Variants in MAGI2 observed in about 807,000 individuals in gnomAD.
The protein encoded by MAGI2 is membrane associated guanylate kinase, WW and PDZ domain containing 2, also known as membrane-associated guanylate kinase, WW and PDZ domain-containing protein 2.
Under a neutral mutation model 133.3 loss-of-function variants are expected in MAGI2, and 35 were observed. The observed-to-expected ratio is 0.26, with a 90% CI of 0.20 to 0.35. The LOEUF (loss-of-function observed/expected upper bound fraction) is 0.35. MAGI2 is among the 10% of genes least tolerant of loss of function. The pLI is 1.00. For missense variants in MAGI2, 1,636 were observed against 1,863.4 expected, an observed-to-expected ratio of 0.88 and a Z score of 2.25; for synonymous variants, 729 against 710.6, an observed-to-expected ratio of 1.03 and a Z score of -0.41.
intron 9 of MAGI2, among the ~76,000 whole-genome samples, chr7:78,289,342 G>T (rs1335119369): frequency 1.3e-5 from 2 of 152,156 alleles, no homozygotes; most frequent in Non-Finnish European, 2.9e-5. Flanking sequence ...CAGTCAAGTG[G>T]AAGAAAGGTA....
chr7:78,139,121 A>G (rs565403448), intron 16 of MAGI2, among the ~76,000 whole-genome samples: 1 of 152,352 alleles, frequency 6.6e-6, no homozygotes, highest in Admixed American at 6.5e-5. Flanking sequence ...GAAAACTGAA[A>G]TAAATTCAGT....
chr7:79,146,673 T>C (rs2191807), intron 1 of MAGI2, among the ~76,000 whole-genome samples: 96,727 of 152,146 alleles, frequency 0.64, 35,337 homozygotes, highest in Non-Finnish European at 0.83. Context: ...CTTGCCATCA[T>C]GTAAGACGTG....
chr7:79,135,993 AAGAAAGAAAG>A (rs137916423), intron 1 of MAGI2, among the ~76,000 whole-genome samples: 8,552 of 49,444 alleles, frequency 0.17, 1,765 homozygotes, highest in Non-Finnish European at 0.31. Flanking sequence ...GAAAGAAAGA[AAGAAAGAAAG>A]AGAAAGAAAG....
chr7:78,952,375 T>C (rs1801941153), intron 2 of MAGI2, among the ~76,000 whole-genome samples: 1 of 152,150 alleles, frequency 6.6e-6, no homozygotes, highest in Non-Finnish European at 1.5e-5. Context: ...TGCTTTTTCT[T>C]TTCTGTCTCT....
chr7:78,672,675 A>G (rs1814535859), intron 2 of MAGI2, among the ~76,000 whole-genome samples: 1 of 152,230 alleles, frequency 6.6e-6, no homozygotes. Context: ...TGGTTCTCAC[A>G]GGCCAGGAGA....
At chr7:78,221,827 C>T (rs532051786) in intron 10 of MAGI2, among the ~76,000 whole-genome samples, 8 of 151,528 alleles carry the variant, frequency 5.3e-5, no homozygotes, top group African/African-American at 1.9e-4. Context: ...ACAAGGAGAC[C>T]TTGTCTCTAT....
At chr7:78,805,060 T>C (rs1160474192) in intron 2 of MAGI2, among the ~76,000 whole-genome samples, 5 of 151,010 alleles carry the variant, frequency 3.3e-5, no homozygotes, top group Non-Finnish European at 5.9e-5. Flanking sequence ...AGCAAGACTC[T>C]GTCTCAAAAA....
chr7:78,521,926 C>T (rs1330450178), intron 3 of MAGI2, among the ~76,000 whole-genome samples: 1 of 152,080 alleles, frequency 6.6e-6, no homozygotes, highest in Non-Finnish European at 1.5e-5. Context: ...GTATTATTCC[C>T]AAGCGGTACA....
chr7:78,631,707 C>T (rs755948851), intron 2 of MAGI2, among the ~76,000 whole-genome samples: 3 of 152,220 alleles, frequency 2.0e-5, no homozygotes, highest in Non-Finnish European at 4.4e-5. Flanking sequence ...TGTTTCTGTA[C>T]TACCCTCCTT....
At chr7:78,404,351 G>A (rs1797179031) in intron 6 of MAGI2, among the ~76,000 whole-genome samples, 1 of 152,124 alleles carries the variant, frequency 6.6e-6, no homozygotes, top group South Asian at 2.1e-4. Context: ...AAATGAGCCT[G>A]CATTGCCAAG....
chr7:78,364,993 TAC>T (rs1255085177), intron 7 of MAGI2, among the ~76,000 whole-genome samples: 3 of 152,256 alleles, frequency 2.0e-5, no homozygotes, highest in Non-Finnish European at 2.9e-5. Context: ...TTGGTCTGTT[TAC>T]ACAGACAGCA....
chr7:78,846,959 A>C (rs1792670398), intron 2 of MAGI2, among the ~76,000 whole-genome samples: 1 of 151,948 alleles, frequency 6.6e-6, no homozygotes. Flanking sequence ...GTCCTTATAT[A>C]GGTCCCAACC....
rs147003144 is a variant in MAGI2 at position 79,378,620 on chromosome 7, T to A, written c.301+74400A>T. 5.9e-3 allele frequency among the ~76,000 whole-genome samples: 894 copies of A among 151,732 alleles called. 11 individuals are homozygous for A. The highest frequency in any genetic ancestry group is 0.021 in the African/African-American group (850 of 41,442). ...ACAAATTAACATCAATTTTTCTACA[T>A]ATTCTCTAACCATTAAATTCATAAT... is the stretch of plus-strand genomic sequence containing the variant. On this transcript the variant is annotated intron_variant, in intron 1 of 21. Transcript: ENST00000354212.
At chr7:79,016,584 C>G (rs1029115303) in intron 1 of MAGI2, among the ~76,000 whole-genome samples, 1 of 152,122 alleles carries the variant, frequency 6.6e-6, no homozygotes, top group Non-Finnish European at 1.5e-5. Flanking sequence ...CAACCACCCC[C>G]CTACATTGCT....
chr7:78,069,898 C>T (rs551998813), intron 21 of MAGI2, among the ~76,000 whole-genome samples: 4 of 151,892 alleles, frequency 2.6e-5, no homozygotes, highest in South Asian at 2.1e-4. Flanking sequence ...TATGACTCTT[C>T]ATGATGGGTT....
chr7:78,226,757 C>T (rs1009813350), intron 10 of MAGI2, among the ~76,000 whole-genome samples: 2 of 152,178 alleles, frequency 1.3e-5, no homozygotes, highest in Non-Finnish European at 2.9e-5. Flanking sequence ...ACGTATTTCT[C>T]TGTGAGGCTT....
intron 3 of MAGI2, among the ~76,000 whole-genome samples, chr7:78,536,103 CTTTTTTTTTTTTTT>C (rs544655465): frequency 1.8e-4 from 11 of 59,924 alleles, no homozygotes; most frequent in African/African-American, 7.6e-4. Context: ...ATGAATTAAA[CTTTTTTTTTTTTTT>C]TTTTTTTTTT....
intron 20 of MAGI2, among the ~76,000 whole-genome samples, chr7:78,122,704 C>A (rs971943291): frequency 2.6e-5 from 4 of 152,278 alleles, no homozygotes; most frequent in Middle Eastern, 3.4e-3. Flanking sequence ...AAACGATCTC[C>A]TTTCAGATTT....
intron 2 of MAGI2, among the ~76,000 whole-genome samples, chr7:78,997,203 T>G (rs1806391762): frequency 6.6e-6 from 1 of 152,158 alleles, no homozygotes; most frequent in Non-Finnish European, 1.5e-5. Flanking sequence ...CGATTTTGCA[T>G]GCAGAAAAAG....
Sources: allele counts gnomAD v4.1 joint callset (sites outside exome capture counted in the v4.1 genomes callset), GRCh38; gene constraint gnomAD v4.1.1; transcripts MANE v1.5; gene names NCBI Gene and HGNC (gene_info 2026-07-23, HGNC 2026-07-21).